The following LARP4B variants were observed in gnomAD, a reference collection of about 807,000 sequenced individuals.
LARP4B encodes the protein La ribonucleoprotein 4B, also known as la-related protein 4B.
Under a neutral mutation model 89.8 loss-of-function variants are expected in LARP4B, and 12 were observed. The observed-to-expected ratio is 0.13, with a 90% confidence interval of 0.09 to 0.22. LARP4B has a LOEUF of 0.22. LARP4B is among the 10% of genes least tolerant of loss of function. The pLI, the probability that LARP4B is intolerant of heterozygous loss-of-function variation, is 1.00. For missense variants in LARP4B, 757 were observed against 947.7 expected, an observed-to-expected ratio of 0.80 and a Z score of 2.64; for synonymous variants, 367 against 363.3, an observed-to-expected ratio of 1.01 and a Z score of -0.12.
chr10:894,959 C>G (rs1011101598), intron 1 of LARP4B, among the ~76,000 whole-genome samples: 16 of 152,094 alleles, frequency 1.1e-4, no homozygotes, highest in Non-Finnish European at 2.4e-4. Flanking sequence ...CCAAGGCGGG[C>G]GGACTGCCTG....
chr10:853,069 C>G (rs1834134520), intron 5 of LARP4B, among the ~76,000 whole-genome samples: 1 of 152,134 alleles, frequency 6.6e-6, no homozygotes, highest in Admixed American at 6.5e-5. Flanking sequence ...AATCTCAGCA[C>G]TTTGTAGATA....
At chr10:891,847 C>A (rs1412364776) in intron 1 of LARP4B, among the ~76,000 whole-genome samples, 1 of 152,178 alleles carries the variant, frequency 6.6e-6, no homozygotes, top group Non-Finnish European at 1.5e-5. Context: ...CTCATTTAAA[C>A]AGTTAATAAC....
At chr10:914,821 C>G (rs12762973) in intron 1 of LARP4B, among the ~76,000 whole-genome samples, 21,686 of 141,758 alleles carry the variant, frequency 0.15, 2,173 homozygotes, top group Non-Finnish European at 0.22. Context: ...CCACCGCCCA[C>G]CCCCCAGCAA....
rs571572689 is a variant in LARP4B at position 920,642 on chromosome 10, C to T, written c.-40+10786G>A. Among the ~76,000 whole-genome samples the T allele has an allele frequency of 5.3e-5, 8 of 152,004 alleles. No homozygotes were observed. In the South Asian group the frequency reaches 6.2e-4, roughly 12 times the overall value. ...TATAAAAATAAGCTGGGCATGGTGA[C>T]GTGCCTGTAGTCCTGGCTACTCTGG... is the stretch of plus-strand genomic sequence containing the variant. On this transcript the variant is annotated intron_variant, in intron 1 of 17. Coordinates refer to ENST00000316157, the MANE Select transcript of LARP4B (RefSeq NM_015155.3).
chr10:954,832 GGAC>G, the LARP4B span, among the ~76,000 whole-genome samples: 1 of 72,926 alleles, frequency 1.4e-5, no homozygotes. The surrounding 1 kb of genome is among the most constrained non-coding windows in gnomAD (Gnocchi z 5.0). Flanking sequence ...CGCTTCCCCA[GGAC>G]AGCTCCCATC....
chr10:962,351 C>A, the LARP4B span, among the ~76,000 whole-genome samples: 2 of 145,188 alleles, frequency 1.4e-5, no homozygotes, highest in Non-Finnish European at 3.0e-5. Context: ...TCGGGCCCAA[C>A]AATATGACTT....
At chr10:932,364 C>A (rs1217284752), upstream of LARP4B, among the ~76,000 whole-genome samples, 3 of 142,466 alleles carry the variant, frequency 2.1e-5, no homozygotes, top group African/African-American at 5.2e-5. Flanking sequence ...ACCCCACACC[C>A]GGGACCAAGG....
intron 11 of LARP4B, 55 bp from the exon 12 acceptor site, chr10:825,925 C>T (rs1832598689): frequency 5.3e-6 from 6 of 1,122,634 alleles, no homozygotes; most frequent in Non-Finnish European, 6.6e-6. Context: ...ACTTCAATTT[C>T]ATTAATACCA....
At chr10:904,065 T>G (rs1836418837) in intron 1 of LARP4B, among the ~76,000 whole-genome samples, 1 of 152,140 alleles carries the variant, frequency 6.6e-6, no homozygotes, top group African/African-American at 2.4e-5. Context: ...AATCTAAAAC[T>G]TTTTGAGCAC....
At chr10:968,986 G>A in the LARP4B span, among the ~76,000 whole-genome samples, 36 of 152,176 alleles carry the variant, frequency 2.4e-4, no homozygotes, top group African/African-American at 8.0e-4. Flanking sequence ...TGTGACCTTC[G>A]GAGTCGGTAG....
the LARP4B span, among the ~76,000 whole-genome samples, chr10:937,766 T>C: frequency 2.6e-5 from 4 of 152,174 alleles, no homozygotes; most frequent in African/African-American, 9.7e-5. Context: ...TTTTCCAAAT[T>C]ATAGGAGACT....
the LARP4B span, among the ~76,000 whole-genome samples, chr10:969,039 A>G: frequency 3.3e-5 from 5 of 152,336 alleles, no homozygotes; most frequent in East Asian, 9.6e-4. Context: ...ACCGTATCTT[A>G]AGAGAGACTT....
intron 1 of LARP4B, among the ~76,000 whole-genome samples, chr10:907,815 T>G (rs771170042): frequency 1.3e-5 from 2 of 152,212 alleles, no homozygotes; most frequent in Non-Finnish European, 2.9e-5. Flanking sequence ...GTTGGGACTT[T>G]CAGCCCACTC....
chr10:833,370 G>A (rs12766358), intron 8 of LARP4B, among the ~76,000 whole-genome samples: 1 of 145,934 alleles, frequency 6.9e-6, no homozygotes, highest in Admixed American at 7.0e-5. Flanking sequence ...ACGGGCTGAA[G>A]AAGCATGCCC....
At chr10:924,250 T>A (rs975685552) in intron 1 of LARP4B, 3 of 152,096 alleles carry the variant, frequency 2.0e-5, no homozygotes, top group African/African-American at 7.2e-5. Flanking sequence ...AATAAAATAT[T>A]TTTTAAACAT....
intron 1 of LARP4B, among the ~76,000 whole-genome samples, chr10:908,372 T>TC (rs1194282321): frequency 1.3e-5 from 2 of 152,172 alleles, no homozygotes; most frequent in African/African-American, 4.8e-5. Flanking sequence ...GTAATATCCT[T>TC]CAAAATAAAC....
At chr10:903,626 G>C (rs1233958027) in intron 1 of LARP4B, 1 of 152,184 alleles carries the variant, frequency 6.6e-6, no homozygotes, top group Non-Finnish European at 1.5e-5. Context: ...GGCCTTCCTC[G>C]TCAGGAATGC....
chr10:821,542 A>G (rs1832352275), intron 13 of LARP4B, among the ~76,000 whole-genome samples: 1 of 152,176 alleles, frequency 6.6e-6, no homozygotes, highest in African/African-American at 2.4e-5. Flanking sequence ...AGACATTCCC[A>G]TTTCCCTGGA....
the LARP4B span, among the ~76,000 whole-genome samples, chr10:950,752 T>C: frequency 1.3e-5 from 2 of 152,248 alleles, no homozygotes; most frequent in African/African-American, 4.8e-5. Context: ...TGAGTGACTG[T>C]AAATAATATT....
Sources: gnomAD v4.1 joint callset for allele counts (sites outside exome capture counted in the v4.1 genomes callset) on GRCh38, gnomAD v4.1.1 for gene constraint, Gnocchi (gnomAD v3.1) non-coding constraint, MANE v1.5 for transcripts, NCBI Gene and HGNC (gene_info 2026-07-23, HGNC 2026-07-21) for gene names.